Variants in PDGFD observed in about 807,000 individuals in gnomAD.
PDGFD encodes platelet derived growth factor D.
In PDGFD, 30 loss-of-function variants were observed where a neutral mutation model predicts 44.7. That is an observed-to-expected ratio of 0.67 (90% CI 0.50 to 0.91). PDGFD has a LOEUF of 0.91. PDGFD is among the 40% of genes least tolerant of loss of function. PDGFD has a pLI of 0.00. For synonymous variants in PDGFD, 173 were observed against 168.4 expected, an observed-to-expected ratio of 1.03 and a Z score of -0.21; for missense variants, 445 against 457.8, an observed-to-expected ratio of 0.97 and a Z score of 0.25.
chr11:103,940,913 C>T (rs1565290198), intron 5 of PDGFD, among the ~76,000 whole-genome samples: 1 of 152,036 alleles, frequency 6.6e-6, no homozygotes, highest in African/African-American at 2.4e-5. Context: ...AAGGTTATTT[C>T]GGTAACCAAA....
intron 1 of PDGFD, among the ~76,000 whole-genome samples, chr11:104,126,974 T>G (rs976237804): frequency 6.6e-6 from 1 of 152,004 alleles, no homozygotes; most frequent in Non-Finnish European, 1.5e-5. Flanking sequence ...CTATGAAGTT[T>G]TTTGAGGGTA....
chr11:104,159,534 G>A (rs921892587), intron 1 of PDGFD, among the ~76,000 whole-genome samples: 2 of 152,206 alleles, frequency 1.3e-5, no homozygotes, highest in African/African-American at 4.8e-5. Flanking sequence ...CTTAAGGACA[G>A]AGACAGAAAT....
intron 1 of PDGFD, among the ~76,000 whole-genome samples, chr11:104,071,430 G>A (rs535811205): frequency 2.4e-4 from 35 of 146,030 alleles, no homozygotes; most frequent in South Asian, 1.3e-3. Flanking sequence ...ATTTGAGTGC[G>A]TGTGTGTGTG....
In PDGFD at chr11:103,927,028, C is replaced by A; in HGVS notation, c.871G>T (p.Val291Phe). The A allele has an allele frequency of 1.9e-6, 3 of 1,614,206 alleles. No homozygotes were observed. Among genetic ancestry groups the A allele is most frequent in the Non-Finnish European group, 2.5e-6 (3 of 1,180,020 alleles). Residue 291 changes from valine (V) to phenylalanine (F), a missense_variant, in exon 6 of 7, where the codon GTC becomes TTC. Physicochemically the swap from Val to Phe is conservative, Grantham distance 50. Coordinates refer to ENST00000393158, the MANE Select transcript of PDGFD (RefSeq NM_025208.5). ...IREELKLANV[V>F]FFPRCLLVQR... ...ACGAGGAGGCAACGTGGAAAGAAGACCACATTGGCCAACTTCAGCTCTTCT... is the reference window on the plus strand; with the variant it reads ...ACGAGGAGGCAACGTGGAAAGAAGAACACATTGGCCAACTTCAGCTCTTCT...
At chr11:103,928,320 G>C (rs936720241) in intron 5 of PDGFD, among the ~76,000 whole-genome samples, 1 of 152,176 alleles carries the variant, frequency 6.6e-6, no homozygotes, top group Non-Finnish European at 1.5e-5. Context: ...CTTTCCCAAT[G>C]CACGCCCTTG....
intron 1 of PDGFD, among the ~76,000 whole-genome samples, chr11:104,103,208 T>C (rs1861420624): frequency 6.6e-6 from 1 of 152,108 alleles, no homozygotes; most frequent in African/African-American, 2.4e-5. Context: ...TTTATGATGA[T>C]TAAATGAATT....
intron 1 of PDGFD, among the ~76,000 whole-genome samples, chr11:104,118,751 T>G (rs1464782174): frequency 8.3e-6 from 1 of 120,874 alleles, no homozygotes; most frequent in Non-Finnish European, 1.6e-5. Flanking sequence ...TATTATTATA[T>G]AGTATATATT....
chr11:103,937,077 C>T (rs551099751), intron 5 of PDGFD, among the ~76,000 whole-genome samples: 3 of 152,210 alleles, frequency 2.0e-5, no homozygotes, highest in African/African-American at 4.8e-5. Context: ...CTGCCTACCT[C>T]GGCCTCCCAA....
In PDGFD at chr11:104,102,406, A is replaced by G. The variant is rs560114199; in HGVS notation, c.124+61398T>C. On this transcript the variant is annotated intron_variant, in intron 1 of 6. Coordinates refer to ENST00000393158, the MANE Select transcript of PDGFD (RefSeq NM_025208.5). Reference sequence around the variant, plus strand: ...CCATCTCACACCAGTTAGAATGGCGATCATTAAAAAGTCAGGAAACAACAG... The same window carrying G: ...CCATCTCACACCAGTTAGAATGGCGGTCATTAAAAAGTCAGGAAACAACAG... 9.2e-5 allele frequency among the ~76,000 whole-genome samples: 14 copies of G among 152,300 alleles called. 1 individual carries two copies. In the South Asian group the frequency reaches 2.5e-3, roughly 27 times the overall value.
chr11:104,055,027 A>G (rs955650632), intron 1 of PDGFD, among the ~76,000 whole-genome samples: 1 of 152,204 alleles, frequency 6.6e-6, no homozygotes, highest in Non-Finnish European at 1.5e-5. Context: ...TATTTATTTT[A>G]ATGTTAATGT....
chr11:104,023,798 A>G (rs1395858052), intron 1 of PDGFD, among the ~76,000 whole-genome samples: 3 of 152,150 alleles, frequency 2.0e-5, no homozygotes, highest in African/African-American at 4.8e-5. Context: ...ATCACAGCTT[A>G]TGCATTTACT....
chr11:104,014,757 T>C (rs1381839118), intron 1 of PDGFD, among the ~76,000 whole-genome samples: 5 of 152,108 alleles, frequency 3.3e-5, no homozygotes, highest in African/African-American at 1.2e-4. Flanking sequence ...ATGGAAAAAA[T>C]GACTAACAAT....
chr11:104,132,614 A>G (rs1050205937), intron 1 of PDGFD, among the ~76,000 whole-genome samples: 3 of 152,136 alleles, frequency 2.0e-5, no homozygotes, highest in East Asian at 3.9e-4. Context: ...CTAGAAAGGA[A>G]GTAGACTAAT....
At chr11:104,043,001 T>G (rs1056544881) in intron 1 of PDGFD, among the ~76,000 whole-genome samples, 10 of 152,182 alleles carry the variant, frequency 6.6e-5, no homozygotes, top group Non-Finnish European at 1.2e-4. Flanking sequence ...TTTTCAAAAG[T>G]TATGTCATTG....
chr11:104,020,136 G>A (rs551658423), intron 1 of PDGFD, among the ~76,000 whole-genome samples: 8 of 152,212 alleles, frequency 5.3e-5, no homozygotes, highest in East Asian at 1.9e-4. Flanking sequence ...TTCCTAGGCC[G>A]ATTTATTGCT....
At chr11:104,051,964 A>C (rs1200853127) in intron 1 of PDGFD, among the ~76,000 whole-genome samples, 1 of 152,170 alleles carries the variant, frequency 6.6e-6, no homozygotes, top group Non-Finnish European at 1.5e-5. Flanking sequence ...TAGTTCCAAA[A>C]CATTTTCATC....
At chr11:104,144,139 A>T (rs1278453241) in intron 1 of PDGFD, among the ~76,000 whole-genome samples, 2 of 152,206 alleles carry the variant, frequency 1.3e-5, no homozygotes, top group Non-Finnish European at 2.9e-5. Flanking sequence ...CTGGAGGTTA[A>T]GACTATAAAT....
At chr11:103,991,783 G>A (rs1859457153) in intron 3 of PDGFD, among the ~76,000 whole-genome samples, 1 of 152,144 alleles carries the variant, frequency 6.6e-6, no homozygotes, top group Admixed American at 6.5e-5. Flanking sequence ...TCCAGGCAAA[G>A]TGGTTTATAA....
chr11:103,922,321 A>G (rs998392768), intron 6 of PDGFD, among the ~76,000 whole-genome samples: 1 of 152,168 alleles, frequency 6.6e-6, no homozygotes, highest in African/African-American at 2.4e-5. Flanking sequence ...TCACTACCCA[A>G]ATTATCTTTT....
Sources: allele counts gnomAD v4.1 joint callset (sites outside exome capture counted in the v4.1 genomes callset), GRCh38; gene constraint gnomAD v4.1.1; transcripts MANE v1.5; gene names NCBI Gene and HGNC (gene_info 2026-07-23, HGNC 2026-07-21).